PTPRT: variants seen among roughly 807,000 people sequenced by gnomAD.
PTPRT encodes protein tyrosine phosphatase receptor type T.
A neutral mutation model predicts 176.8 loss-of-function variants in PTPRT; 56 were observed. The ratio of observed to expected loss-of-function variants is 0.32; its 90% CI spans 0.26 to 0.40. The LOEUF is 0.40. Ranked by LOEUF, PTPRT falls within the 10% of genes least tolerant of loss-of-function variation. The pLI, the probability that PTPRT is intolerant of heterozygous loss-of-function variation, is 1.00. For missense variants in PTPRT, 1,540 were observed against 1,908.2 expected, an observed-to-expected ratio of 0.81 and a Z score of 3.60; for synonymous variants, 783 against 739.0, an observed-to-expected ratio of 1.06 and a Z score of -0.96.
At chr20:42,992,513 G>A (rs1983974944) in intron 1 of PTPRT, among the ~76,000 whole-genome samples, 2 of 152,130 alleles carry the variant, frequency 1.3e-5, no homozygotes, top group Non-Finnish European at 2.9e-5. Flanking sequence ...GGAGGGTGAG[G>A]AGCAGAAAAA....
chr20:42,978,640 C>A (rs750400440), intron 1 of PTPRT, among the ~76,000 whole-genome samples: 1 of 152,008 alleles, frequency 6.6e-6, no homozygotes, highest in Non-Finnish European at 1.5e-5. Context: ...GATAGGAGGT[C>A]GGCACAAGAT....
intron 1 of PTPRT, among the ~76,000 whole-genome samples, chr20:43,171,591 C>G (rs993047535): frequency 6.6e-6 from 1 of 152,158 alleles, no homozygotes; most frequent in Non-Finnish European, 1.5e-5. Flanking sequence ...TGGCCAAAGA[C>G]CCCACCCAGG....
At chr20:42,117,658 C>A (rs911508857) in intron 21 of PTPRT, among the ~76,000 whole-genome samples, 4 of 151,996 alleles carry the variant, frequency 2.6e-5, no homozygotes, top group African/African-American at 9.7e-5. Context: ...ATGAAGGGTG[C>A]GAGTGATATT....
intron 1 of PTPRT, among the ~76,000 whole-genome samples, chr20:43,020,155 CAT>C (rs1321762644): frequency 2.7e-4 from 38 of 141,256 alleles, no homozygotes; most frequent in African/African-American, 9.9e-4. Flanking sequence ...TACATATGTG[CAT>C]GTGTGTTTGT....
intron 5 of PTPRT, among the ~76,000 whole-genome samples, chr20:42,765,644 T>C (rs2076971994): frequency 6.6e-6 from 1 of 152,000 alleles, no homozygotes; most frequent in Non-Finnish European, 1.5e-5. Flanking sequence ...TTAATATGTA[T>C]TTCATGGAGT....
intron 6 of PTPRT, chr20:42,685,770 T>G (rs1457016962): frequency 1.3e-5 from 2 of 152,230 alleles, no homozygotes; most frequent in African/African-American, 4.8e-5. Context: ...TATTTGATTT[T>G]TTTACAAATG....
intron 1 of PTPRT, among the ~76,000 whole-genome samples, chr20:43,133,708 A>G (rs900660325): frequency 6.6e-6 from 1 of 150,798 alleles, no homozygotes; most frequent in African/African-American, 2.4e-5. Context: ...AGATCCCACC[A>G]CTGCACTCCA....
At chr20:42,467,147 G>GT (rs1252743393) in intron 8 of PTPRT, among the ~76,000 whole-genome samples, 1 of 152,196 alleles carries the variant, frequency 6.6e-6, no homozygotes, top group East Asian at 1.9e-4. Flanking sequence ...AATTATAGAT[G>GT]TTTAAATCAC....
Position 42,986,058 on chromosome 20 carries a change from C to A in PTPRT, c.89-100126G>T, listed in dbSNP as rs528989180. On this transcript the variant is annotated intron_variant, in intron 1 of 30. Transcript: ENST00000373187. ...CCAAGTTACCGCGGATCATTTCATTCATCTCTATCGATCATTCATTCCATG... is the reference window on the plus strand; with the variant it reads ...CCAAGTTACCGCGGATCATTTCATTAATCTCTATCGATCATTCATTCCATG... Among the ~76,000 whole-genome samples, 3 of 152,198 alleles carry A rather than the reference C, an allele frequency of 2.0e-5. No individual in the cohort carries two copies. In the South Asian group the frequency reaches 6.2e-4, roughly 32 times the overall value.
At chr20:42,268,902 A>T (rs2056883692) in intron 13 of PTPRT, among the ~76,000 whole-genome samples, 1 of 152,116 alleles carries the variant, frequency 6.6e-6, no homozygotes, top group African/African-American at 2.4e-5. Context: ...TGCTGGCGCA[A>T]ATGGCTCACA....
chr20:42,567,307 G>GA (rs375501614), intron 7 of PTPRT, among the ~76,000 whole-genome samples: 2,217 of 147,512 alleles, frequency 0.015, 57 homozygotes, highest in African/African-American at 0.053. Context: ...GAGAGAGAGA[G>GA]AGAAAAAAAA....
At chr20:42,230,246 C>A (rs1043817435) in intron 15 of PTPRT, among the ~76,000 whole-genome samples, 1 of 152,144 alleles carries the variant, frequency 6.6e-6, no homozygotes, top group African/African-American at 2.4e-5. Flanking sequence ...GAAACCAGCC[C>A]AGGTCACGGT....
At chr20:42,769,404 A>G (rs2077030667) in intron 5 of PTPRT, among the ~76,000 whole-genome samples, 1 of 152,204 alleles carries the variant, frequency 6.6e-6, no homozygotes, top group Non-Finnish European at 1.5e-5. Context: ...AAGAAATGTA[A>G]ATTAAAACTA....
At chr20:42,809,330 T>A (rs930866432) in intron 2 of PTPRT, among the ~76,000 whole-genome samples, 2 of 152,018 alleles carry the variant, frequency 1.3e-5, no homozygotes, top group Admixed American at 6.6e-5. Context: ...TGACTCCAGG[T>A]GCCAGGTGTG....
At chr20:42,084,950 A>C in intron 28 of PTPRT, 105 bp from the exon 29 acceptor site, 3 of 976,532 alleles carry the variant, frequency 3.1e-6, no homozygotes, top group Non-Finnish European at 4.1e-6. Context: ...GACAGACCAA[A>C]TGGGATCTAA....
intron 7 of PTPRT, among the ~76,000 whole-genome samples, chr20:42,624,858 C>T (rs6030370): frequency 0.22 from 33,363 of 152,028 alleles, 5,192 homozygotes; most frequent in African/African-American, 0.45. Context: ...TGCAAACAAG[C>T]GTAAAAAGTC....
At chr20:43,011,818 G>C (rs1985141751) in intron 1 of PTPRT, among the ~76,000 whole-genome samples, 1 of 152,198 alleles carries the variant, frequency 6.6e-6, no homozygotes, top group African/African-American at 2.4e-5. Flanking sequence ...CAATCCGGGT[G>C]GGCACCATCT....
chr20:42,235,203 T>C (rs2056216638), intron 15 of PTPRT, among the ~76,000 whole-genome samples: 1 of 152,110 alleles, frequency 6.6e-6, no homozygotes, highest in Admixed American at 6.5e-5. Context: ...CTGTACAGAG[T>C]TGTTCTCCTT....
At chr20:42,116,191 T>C (rs1987274930) in intron 21 of PTPRT, 1 of 685,948 alleles carries the variant, frequency 1.5e-6, no homozygotes, top group Non-Finnish European at 2.7e-6. Flanking sequence ...ATTACACAGT[T>C]AAATAGGCAG....
Sources: gnomAD v4.1 joint callset for allele counts (sites outside exome capture counted in the v4.1 genomes callset) on GRCh38, gnomAD v4.1.1 for gene constraint, MANE v1.5 for transcripts, NCBI Gene and HGNC (gene_info 2026-07-23, HGNC 2026-07-21) for gene names.